Variants in IFI16 observed in about 807,000 individuals in gnomAD.
IFI16 encodes the protein interferon gamma inducible protein 16, also known as gamma-interferon-inducible protein 16.
In IFI16, 49 loss-of-function variants were observed where a neutral mutation model predicts 68.4. The ratio of observed to expected loss-of-function variants is 0.72; its 90% CI spans 0.57 to 0.91. The LOEUF (loss-of-function observed/expected upper bound fraction) is 0.91. Among genes scored for constraint, IFI16 ranks in the 40% least tolerant of loss-of-function variants. The pLI is 0.00. For synonymous variants in IFI16, 307 were observed against 315.0 expected (o/e 0.97, Z 0.27); for missense variants, 878 against 942.9 (o/e 0.93, Z 0.90).
chr1:159,010,326 TTTA>T (rs1652471143), intron 1 of IFI16, among the ~76,000 whole-genome samples, 165 bp downstream of exon 1: 1 of 152,200 alleles, frequency 6.6e-6, no homozygotes, highest in Non-Finnish European at 1.5e-5. Context: ...GAATCCTTCA[TTTA>T]CTTAGGAAGA....
At chr1:159,041,732 G>C (rs1277407208) in intron 7 of IFI16, among the ~76,000 whole-genome samples, 1 of 152,076 alleles carries the variant, frequency 6.6e-6, no homozygotes, top group Non-Finnish European at 1.5e-5. Flanking sequence ...CTATAATCCT[G>C]GTCCTGTGTA....
Position 159,049,581 on chromosome 1 carries a change from C to T in IFI16, c.1647C>T (p.Ser549=). 1 of 1,602,042 alleles carries T rather than the reference C, an allele frequency of 6.2e-7. No individual in the cohort carries two copies. Among genetic ancestry groups the T allele is most frequent in the Non-Finnish European group, 8.5e-7 (1 of 1,175,748 alleles). ...CTCAGATGCCTCCATCAACACCAAG[C>T]AGCAGTTTCTTAACCACGGTACAAG... ...HTPQMPPSTP[S]SSFLTTLKPR... is the part of the protein sequence containing the mutation. Residue 549 remains serine (S), a synonymous_variant, in exon 9 of 12, where the codon AGC becomes AGT. Transcript: ENST00000295809.
intron 6 of IFI16, among the ~76,000 whole-genome samples, chr1:159,026,488 G>A (rs892937062): frequency 2.6e-5 from 4 of 152,026 alleles, no homozygotes; most frequent in Non-Finnish European, 4.4e-5. Context: ...TAGTAGAGAT[G>A]GGGTTTCACC....
At chr1:159,020,268 G>C in intron 5 of IFI16, 73 bp from the exon 6 acceptor site, 1 of 1,088,500 alleles carries the variant, frequency 9.2e-7, no homozygotes, top group East Asian at 2.4e-5. Flanking sequence ...AACTCTCTTA[G>C]AAGGGACTTC....
chr1:159,018,492 A>G lies in IFI16; in HGVS notation c.813A>G (p.Leu271=). The part of the protein sequence containing the change: ...ISDYLEYDSL[L]EVNEESTVSE... ...ATTATTTGGAATATGATAGTCTCCT[A>G]GAGGTCAATGAAGAATCTACTGTAT... The change falls in exon 5 of 12, where the codon CTA becomes CTG. Residue 271 remains leucine, a synonymous_variant. Coordinates refer to ENST00000295809, the MANE Select transcript of IFI16 (RefSeq NM_001376587.1). The G allele has an allele frequency of 6.2e-7, 1 of 1,614,032 alleles. No homozygotes were observed. Among genetic ancestry groups the G allele is most frequent in the Non-Finnish European group, 8.5e-7 (1 of 1,179,858 alleles).
chr1:159,049,910 C>A (rs1655238185), intron 9 of IFI16, among the ~76,000 whole-genome samples: 1 of 151,002 alleles, frequency 6.6e-6, no homozygotes. Flanking sequence ...TGGGAAAAAA[C>A]AGAGCCACCC....
chr1:159,026,545 T>A (rs1400727520), intron 6 of IFI16, among the ~76,000 whole-genome samples: 1 of 152,046 alleles, frequency 6.6e-6, no homozygotes, highest in Non-Finnish European at 1.5e-5. Context: ...GTGATCCACC[T>A]GGCTTGGCCT....
exon 1 of IFI16, chr1:158,999,980 A>T (rs1651992494): frequency 6.6e-6 from 1 of 152,664 alleles, no homozygotes; most frequent in Admixed American, 6.5e-5. Context: ...ATCAACATGC[A>T]TTCCCAGAAA....
Position 159,053,604 on chromosome 1 carries a change from T to C in IFI16, c.2157T>C (p.His719=), listed in dbSNP as rs1382994290. ...DNTGKMEVVV[H]GRLTTINCEE... is the part of the protein sequence containing the mutation. Reference sequence around the variant, plus strand: ...CAGGGAAGATGGAAGTGGTGGTGCATGGACGACTGACCACAATCAACTGTG... The same window carrying C: ...CAGGGAAGATGGAAGTGGTGGTGCACGGACGACTGACCACAATCAACTGTG... Residue 719 remains histidine, a synonymous_variant, in exon 11 of 12, where the codon CAT becomes CAC. Coordinates refer to ENST00000295809, the MANE Select transcript of IFI16 (RefSeq NM_001376587.1). 4 of 1,613,686 alleles carry C rather than the reference T, an allele frequency of 2.5e-6. No homozygotes were observed. Among genetic ancestry groups the C allele is most frequent in the East Asian group, 4.5e-5 (2 of 44,886 alleles).
chr1:159,008,282 T>G (rs1219576044), upstream of IFI16, among the ~76,000 whole-genome samples: 1 of 152,198 alleles, frequency 6.6e-6, no homozygotes, highest in Non-Finnish European at 1.5e-5. Flanking sequence ...TATTCGCACA[T>G]TTTTTGCTTT....
Position 159,018,524 on chromosome 1 carries a change from C to T in IFI16, c.845C>T (p.Ala282Val). 6.2e-7 allele frequency: 1 copy of T among 1,613,792 alleles called. No homozygotes were observed. The highest frequency in any genetic ancestry group is 1.7e-5 in the Admixed American group (1 of 60,020). ...AATGAAGAATCTACTGTATCTGAAG[C>T]TGGTCCTAACCAAACGTTTGAGGTT... ...EVNEESTVSE[A>V]GPNQTFEVPN... Residue 282 changes from alanine to valine, a missense_variant, in exon 5 of 12, where the codon GCT becomes GTT. Transcript: ENST00000295809.
chr1:159,048,721 G>C (rs2236586), intron 8 of IFI16, among the ~76,000 whole-genome samples: 1 of 151,438 alleles, frequency 6.6e-6, no homozygotes, highest in Non-Finnish European at 1.5e-5. Flanking sequence ...GCCAAATAGG[G>C]TGAATATTTT....
chr1:159,007,248 A>G (rs376929997), upstream of IFI16, among the ~76,000 whole-genome samples: 14 of 152,220 alleles, frequency 9.2e-5, no homozygotes, highest in Non-Finnish European at 2.9e-5. Flanking sequence ...GGAAAATCAG[A>G]TTCTGTGTCT....
At chr1:159,050,633 C>T (rs1172171885) in intron 9 of IFI16, among the ~76,000 whole-genome samples, 1 of 152,092 alleles carries the variant, frequency 6.6e-6, no homozygotes, top group East Asian at 1.9e-4. Flanking sequence ...GTCTCTAAGA[C>T]TCCCTTGATC....
At chr1:159,041,030 C>G (rs753940053) in intron 7 of IFI16, among the ~76,000 whole-genome samples, 13 of 152,164 alleles carry the variant, frequency 8.5e-5, no homozygotes, top group African/African-American at 2.9e-4. Context: ...AGGAGGTCCA[C>G]GAGAGTGGCC....
chr1:159,023,047 A>T (rs1405423060), intron 6 of IFI16, among the ~76,000 whole-genome samples: 1 of 152,244 alleles, frequency 6.6e-6, no homozygotes, highest in African/African-American at 2.4e-5. Flanking sequence ...AAAGGCAGGG[A>T]ATAATATAAC....
At chr1:159,040,452 G>T (rs1654557684) in intron 7 of IFI16, among the ~76,000 whole-genome samples, 1 of 152,156 alleles carries the variant, frequency 6.6e-6, no homozygotes, top group African/African-American at 2.4e-5. Context: ...TTCTTAAATT[G>T]TTTGAGTGTT....
chr1:159,013,250 C>G (rs1464449116), intron 1 of IFI16, among the ~76,000 whole-genome samples: 1 of 145,442 alleles, frequency 6.9e-6, no homozygotes, highest in Non-Finnish European at 1.5e-5. Context: ...CTCACTGCAA[C>G]CTCCGTCTCC....
rs1033037906 is a variant in IFI16, at chr1:159,049,568, C to T, written c.1634C>T (p.Pro545Leu). The change falls in exon 9 of 12, where the codon CCA becomes CTA. Residue 545 changes from proline to leucine, a missense_variant. This residue lies in a region of IFI16 where 311 missense variants were observed against 305.1 expected (regional missense o/e 1.02). Coordinates refer to ENST00000295809, the MANE Select transcript of IFI16 (RefSeq NM_001376587.1). Reference sequence around the variant, plus strand: ...CATCCCCACACTCCTCAGATGCCTCCATCAACACCAAGCAGCAGTTTCTTA... The same window carrying T: ...CATCCCCACACTCCTCAGATGCCTCTATCAACACCAAGCAGCAGTTTCTTA... ...ESHPHTPQMP[P>L]STPSSSFLTT... 8.2e-6 allele frequency: 13 copies of T among 1,592,722 alleles called. No individual in the cohort carries two copies. In the Admixed American group the frequency reaches 1.1e-4, roughly 13 times the overall value.
Sources: allele counts gnomAD v4.1 joint callset (sites outside exome capture counted in the v4.1 genomes callset), GRCh38; gene constraint gnomAD v4.1.1; regional missense constraint gnomAD v4.1.1; transcripts MANE v1.5; gene names NCBI Gene and HGNC (gene_info 2026-07-23, HGNC 2026-07-21).